Variants in SATB1 observed in about 807,000 individuals in gnomAD.
SATB1 encodes DNA-binding protein SATB1.
SATB1 carries 11 observed loss-of-function variants against 86.9 expected under a neutral mutation model. The ratio of observed to expected loss-of-function variants is 0.13; its 90% CI spans 0.08 to 0.21. The LOEUF is 0.21. Among genes scored for constraint, SATB1 ranks in the 10% least tolerant of loss-of-function variants. SATB1 has a pLI of 1.00. For synonymous variants in SATB1, 357 were observed against 357.2 expected (o/e 1.00, Z 0.01); for missense variants, 551 against 937.6 (o/e 0.59, Z 5.39).
chr3:18,412,257 G>C (rs1697888340), intron 5 of SATB1, among the ~76,000 whole-genome samples: 1 of 152,002 alleles, frequency 6.6e-6, no homozygotes, highest in African/African-American at 2.4e-5. Context: ...ATCCCTTCTG[G>C]TTCTAAGAAT....
At chr3:18,410,885 G>T in intron 5 of SATB1, 2 of 381,878 alleles carry the variant, frequency 5.2e-6, no homozygotes, top group South Asian at 2.8e-4. Context: ...TTATAATACA[G>T]ACTGAACATC....
Position 18,349,168 on chromosome 3 carries a change from T to C in SATB1, c.*2A>G. 4.3e-6 allele frequency: 7 copies of C among 1,612,462 alleles called. No homozygotes were observed. Among genetic ancestry groups the C allele is most frequent in the Non-Finnish European group, 5.9e-6 (7 of 1,179,088 alleles). ...CTGTTGAACGAAACAAATACTTTTA[T>C]CTCAGTCTTTCAAATCAGTATTAAT... On this transcript the variant is annotated 3_prime_UTR_variant, in exon 11 of 11. Coordinates refer to ENST00000338745, the MANE Select transcript of SATB1 (RefSeq NM_002971.6). The surrounding 1 kb of genome is among the most constrained non-coding windows in gnomAD (Gnocchi z 5.5).
chr3:18,404,714 A>G (rs1366871095), intron 5 of SATB1, among the ~76,000 whole-genome samples: 1 of 152,062 alleles, frequency 6.6e-6, no homozygotes, highest in Non-Finnish European at 1.5e-5. Flanking sequence ...CATAATGCCC[A>G]GATAGTATGT....
intron 9 of SATB1, among the ~76,000 whole-genome samples, chr3:18,359,667 T>G (rs1419495303): frequency 6.6e-6 from 1 of 152,046 alleles, no homozygotes; most frequent in African/African-American, 2.4e-5. Flanking sequence ...TGTTCCCGTT[T>G]TTTTTCTCGT....
At chr3:18,390,717 C>T (rs1014853205) in intron 7 of SATB1, among the ~76,000 whole-genome samples, 1 of 151,884 alleles carries the variant, frequency 6.6e-6, no homozygotes, top group South Asian at 2.1e-4. Context: ...CATCTTCATT[C>T]TTTATTTTAC....
intron 5 of SATB1, chr3:18,411,053 T>C (rs1469518857): frequency 5.1e-6 from 2 of 393,846 alleles, no homozygotes; most frequent in Non-Finnish European, 9.0e-6. Flanking sequence ...GATCTCAGGA[T>C]GCTGTGAATA....
intron 2 of SATB1, among the ~76,000 whole-genome samples, chr3:18,419,250 C>T (rs762700725): frequency 1.1e-4 from 16 of 151,978 alleles, no homozygotes; most frequent in South Asian, 4.2e-4. Flanking sequence ...GAACACAAGC[C>T]TTTTCTGAAC....
chr3:18,399,305 C>T (rs1371930579), intron 5 of SATB1, among the ~76,000 whole-genome samples: 1 of 152,114 alleles, frequency 6.6e-6, no homozygotes, highest in Non-Finnish European at 1.5e-5. Flanking sequence ...GGCAGACAGC[C>T]TCTGCCTACA....
chr3:18,374,922 T>C (rs1258061600), intron 9 of SATB1, among the ~76,000 whole-genome samples: 2 of 152,196 alleles, frequency 1.3e-5, no homozygotes, highest in African/African-American at 2.4e-5. Flanking sequence ...GTGCCTTCTA[T>C]GTTAAAAGAA....
At chr3:18,436,256 A>G (rs968251586) in intron 2 of SATB1, among the ~76,000 whole-genome samples, 3 of 152,200 alleles carry the variant, frequency 2.0e-5, no homozygotes, top group Non-Finnish European at 4.4e-5. Flanking sequence ...AAAAACAATC[A>G]TTATTGTAGG....
intron 9 of SATB1, 113 bp downstream of exon 9, chr3:18,378,057 G>C (rs1695852756): frequency 3.4e-6 from 3 of 875,622 alleles, no homozygotes; most frequent in Non-Finnish European, 5.0e-6. Flanking sequence ...AATAATCCTA[G>C]ACACAGAGGC....
chr3:18,389,871 C>A lies in SATB1; in HGVS notation c.1207-3260G>T, dbSNP rs114233477. ...TCATTTTATTGAAAATCAGAAGCTGCCTTTCATTGGGACTTCACATCTTAC... is the reference window on the plus strand; with the variant it reads ...TCATTTTATTGAAAATCAGAAGCTGACTTTCATTGGGACTTCACATCTTAC... On this transcript the variant is annotated intron_variant, in intron 7 of 10. Coordinates refer to ENST00000338745, the MANE Select transcript of SATB1 (RefSeq NM_002971.6). Among the ~76,000 whole-genome samples, 410 of 152,124 alleles carry A rather than the reference C, an allele frequency of 2.7e-3. 2 individuals carry two copies. Among genetic ancestry groups the A allele is most frequent in the African/African-American group, 9.3e-3 (386 of 41,518 alleles).
upstream of SATB1, among the ~76,000 whole-genome samples, chr3:18,427,578 C>A (rs565812387): frequency 1.3e-5 from 2 of 152,284 alleles, no homozygotes; most frequent in African/African-American, 4.8e-5. Context: ...CTTATTACAT[C>A]ATTTTACAGA....
In SATB1 at chr3:18,425,085, GC is replaced by G; in HGVS notation, c.-1484del. On this transcript the variant is annotated 5_prime_UTR_variant, in exon 1 of 11. It introduces an in-frame stop codon into an upstream open reading frame of the 5' UTR. Coordinates refer to ENST00000338745, the MANE Select transcript of SATB1 (RefSeq NM_002971.6). ...CGGCCGCTGTCGCTGCCGCCGCCGT[GC>G]CCCGCTCGGCTCCGCGCGTCCGCCC... 1 of 160,132 alleles carries G rather than the reference GC, an allele frequency of 6.2e-6. No homozygotes were observed. Among genetic ancestry groups the G allele is most frequent in the Non-Finnish European group, 1.3e-5 (1 of 74,148 alleles). 9.9% of individuals were successfully genotyped at this position (160,132 alleles called of 1,614,324 possible). A position where few individuals can be genotyped will look rare whatever the true frequency, so the allele number is the denominator to read the frequency against.
chr3:18,386,460 T>C lies in SATB1; in HGVS notation c.1358A>G (p.Asn453Ser), dbSNP rs1318912981. The C allele has an allele frequency of 6.2e-7, 1 of 1,614,000 alleles. No individual in the cohort carries two copies. The highest frequency in any genetic ancestry group is 8.5e-7 in the Non-Finnish European group (1 of 1,180,020). The change falls in exon 8 of 11, where the codon AAT becomes AGT. Residue 453 changes from asparagine (N) to serine (S), a missense_variant. This residue lies in a region of SATB1 where 110 missense variants were observed against 212.2 expected (regional missense o/e 0.52). Coordinates refer to ENST00000338745, the MANE Select transcript of SATB1 (RefSeq NM_002971.6). This position sits in a 1 kb window ranked among gnomAD's most constrained non-coding sequence, Gnocchi z 4.5. ...GGCAGGACCCATGGCCGAGGCAGCA[T>C]TCAAGCTCCTTTCCCTTTCGTCCTG... ...IYQDERERSL[N>S]AASAMGPAPL...
chr3:18,444,488 C>A lies in SATB1; in HGVS notation c.-25+1030G>T. 2 of 736,636 alleles carry A rather than the reference C, an allele frequency of 2.7e-6. No individual in the cohort carries two copies. The highest frequency in any genetic ancestry group is 3.3e-6 in the Non-Finnish European group (2 of 602,898). The allele number at this position is 736,636 out of a possible 1,614,324, so 45.6% of individuals were successfully genotyped here. A position where few individuals can be genotyped will look rare whatever the true frequency, so the allele number is the denominator to read the frequency against. On this transcript the variant is annotated intron_variant, in intron 1 of 3. Coordinates refer to the SATB1 transcript ENST00000415069. This position sits in a 1 kb window ranked among gnomAD's most constrained non-coding sequence, Gnocchi z 5.1. The stretch of plus-strand genomic sequence containing the variant: ...CCACGAGAGGGGAGCCCAGCCGCCC[C>A]AATAGGGGACGAGGAGTGGGTGCTA...
chr3:18,414,391 T>C (rs543851639), intron 5 of SATB1, among the ~76,000 whole-genome samples: 84 of 152,142 alleles, frequency 5.5e-4, no homozygotes, highest in African/African-American at 1.9e-3. Flanking sequence ...AGTCTCTATC[T>C]AGAGTTTTAG....
At chr3:18,436,800 G>T (rs147464504) in exon 2 of SATB1, 11 of 152,166 alleles carry the variant, frequency 7.2e-5, no homozygotes, top group Admixed American at 3.9e-4. Context: ...GAAATATATA[G>T]CAGCTTCTAC....
At chr3:18,404,350 T>C (rs1342353820) in intron 5 of SATB1, among the ~76,000 whole-genome samples, 1 of 152,032 alleles carries the variant, frequency 6.6e-6, no homozygotes, top group Non-Finnish European at 1.5e-5. Context: ...GAATCTCAAT[T>C]TGTTGAGAAG....
Sources: gnomAD v4.1 joint callset for allele counts (sites outside exome capture counted in the v4.1 genomes callset) on GRCh38, gnomAD v4.1.1 for gene constraint, gnomAD v4.1.1 regional missense constraint, Gnocchi (gnomAD v3.1) non-coding constraint, MANE v1.5 for transcripts, NCBI Gene and HGNC (gene_info 2026-07-23, HGNC 2026-07-21) for gene names.